The following DOCK5 variants were observed in gnomAD, a reference collection of about 807,000 sequenced individuals.
DOCK5 encodes dedicator of cytokinesis 5.
In DOCK5, 142 loss-of-function variants were observed where a neutral mutation model predicts 251.8. That is an observed-to-expected ratio of 0.56 (90% CI 0.49 to 0.65). The LOEUF is 0.65. Among genes scored for constraint, DOCK5 ranks in the 30% least tolerant of loss-of-function variants. DOCK5 has a pLI of 0.00. For missense variants in DOCK5, 2,111 were observed against 2,312.3 expected (o/e 0.91, Z 1.79); for synonymous variants, 842 against 835.5 (o/e 1.01, Z -0.13).
At position 25,278,658 on chromosome 8, in the gene DOCK5, T is replaced by C. The variant is rs1334828690; in HGVS notation, c.314T>C (p.Leu105Pro). ...GAATGGGCTGTCATCTGGCGAAAGC[T>C]CTACGTGGTGAGTTTCCCCTTGTGG... is the stretch of plus-strand genomic sequence containing the variant. ...LREWAVIWRK[L>P]YVNNKLTLFR... The change falls in exon 5 of 52, where the codon CTC becomes CCC. Residue 105 changes from leucine to proline, a missense_variant. Leu to Pro is a moderately conservative substitution (Grantham distance 98). Transcript: ENST00000276440. 1.2e-6 allele frequency: 2 copies of C among 1,613,720 alleles called. No individual in the cohort carries two copies. Among genetic ancestry groups the C allele is most frequent in the Admixed American group, 1.7e-5 (1 of 60,000 alleles).
At chr8:25,260,896 A>G (rs925330687) in intron 2 of DOCK5, among the ~76,000 whole-genome samples, 4 of 152,072 alleles carry the variant, frequency 2.6e-5, no homozygotes, top group Middle Eastern at 3.4e-3. Flanking sequence ...TCTGGGCTCA[A>G]GAGATCCTCT....
intron 27 of DOCK5, among the ~76,000 whole-genome samples, chr8:25,358,692 T>A (rs1800621648): frequency 6.6e-6 from 1 of 152,222 alleles, no homozygotes; most frequent in African/African-American, 2.4e-5. Context: ...ACATCTTCAC[T>A]GGTAATCTCA....
chr8:25,351,657 C>T (rs1800470581), intron 26 of DOCK5, 74 bp from the exon 27 acceptor site: 1 of 1,172,506 alleles, frequency 8.5e-7, no homozygotes, highest in Non-Finnish European at 1.2e-6. Flanking sequence ...AGACAAAACT[C>T]ATCTATCTGA....
intron 23 of DOCK5, 133 bp downstream of exon 23, chr8:25,341,121 G>T: frequency 3.4e-6 from 2 of 591,500 alleles, no homozygotes; most frequent in South Asian, 2.9e-5. Flanking sequence ...ATTTTAGTAT[G>T]ATTTACAGAA....
intron 1 of DOCK5, among the ~76,000 whole-genome samples, chr8:25,231,446 A>G (rs1373424502): frequency 1.3e-5 from 2 of 152,202 alleles, no homozygotes; most frequent in African/African-American, 4.8e-5. Context: ...GAAGAAATGC[A>G]CTTTTTATCA....
chr8:25,325,592 C>A, intron 18 of DOCK5, 45 bp downstream of exon 18: 1 of 1,596,404 alleles, frequency 6.3e-7, no homozygotes, highest in African/African-American at 1.3e-5. Context: ...TCTTGCTCAG[C>A]CTTTCTGGGC....
At chr8:25,323,774 T>C (rs1442030341) in intron 16 of DOCK5, 74 bp from the exon 17 acceptor site, 3 of 1,519,436 alleles carry the variant, frequency 2.0e-6, no homozygotes, top group Admixed American at 1.9e-5. Flanking sequence ...CCGAGCAAAA[T>C]GTGAAATCGT....
chr8:25,304,039 G>A (rs1288031147), intron 10 of DOCK5, among the ~76,000 whole-genome samples: 1 of 152,182 alleles, frequency 6.6e-6, no homozygotes, highest in Admixed American at 6.5e-5. Context: ...AATTGATCCA[G>A]TAAAACCCAG....
intron 2 of DOCK5, among the ~76,000 whole-genome samples, chr8:25,255,222 G>A (rs1456928164): frequency 6.6e-6 from 1 of 152,162 alleles, no homozygotes; most frequent in Non-Finnish European, 1.5e-5. Flanking sequence ...CAAAGGAGTT[G>A]AAAACTTACA....
intron 2 of DOCK5, among the ~76,000 whole-genome samples, chr8:25,265,170 A>G (rs1389204453): frequency 6.6e-6 from 1 of 151,864 alleles, no homozygotes; most frequent in African/African-American, 2.4e-5. Flanking sequence ...TCACCAGGGG[A>G]CCTTTTAGAA....
intron 1 of DOCK5, among the ~76,000 whole-genome samples, chr8:25,217,981 A>C (rs1356658107): frequency 6.6e-6 from 1 of 152,240 alleles, no homozygotes; most frequent in Non-Finnish European, 1.5e-5. Flanking sequence ...AATTTAAATA[A>C]TTTGATTTCA....
chr8:25,220,783 T>C (rs1434888337), intron 1 of DOCK5, among the ~76,000 whole-genome samples: 2 of 152,182 alleles, frequency 1.3e-5, no homozygotes, highest in Non-Finnish European at 2.9e-5. Context: ...TTTTGTATTT[T>C]TGTAGAGTTG....
chr8:25,370,903 T>C (rs557147709), intron 34 of DOCK5, among the ~76,000 whole-genome samples: 9 of 152,168 alleles, frequency 5.9e-5, no homozygotes, highest in Admixed American at 5.2e-4. Context: ...CTCGGCTTCC[T>C]AATGGGCTGG....
rs557799994 is a variant in DOCK5 at position 25,413,155 on chromosome 8, C to T, written c.*1857C>T. ...AGAATGGGGATAATGCCTCCTGCATCGGTTGTTGTGAGGTTTCAATGAGAT... is the reference window on the plus strand; with the variant it reads ...AGAATGGGGATAATGCCTCCTGCATTGGTTGTTGTGAGGTTTCAATGAGAT... On this transcript the variant is annotated 3_prime_UTR_variant, in exon 52 of 52. Transcript: ENST00000276440. 2.8e-4 allele frequency: 42 copies of T among 152,136 alleles called. No homozygotes were observed. 9.4% of individuals were successfully genotyped at this position (152,136 alleles called of 1,614,324 possible).
chr8:25,397,297 C>T (rs1462831495), intron 45 of DOCK5, among the ~76,000 whole-genome samples: 3 of 152,126 alleles, frequency 2.0e-5, no homozygotes, highest in Non-Finnish European at 2.9e-5. Context: ...GGGAGACATC[C>T]TGTGTAGAAG....
chr8:25,371,244 G>A (rs1484087165), intron 34 of DOCK5, among the ~76,000 whole-genome samples: 2 of 152,118 alleles, frequency 1.3e-5, no homozygotes, highest in African/African-American at 4.8e-5. Flanking sequence ...TAGAGATGGG[G>A]TTTCACGATG....
At chr8:25,337,167 G>GA (rs1386516154) in intron 22 of DOCK5, among the ~76,000 whole-genome samples, 4 of 151,952 alleles carry the variant, frequency 2.6e-5, no homozygotes, top group African/African-American at 9.7e-5. Flanking sequence ...ATTTACAAAA[G>GA]AAAAACTTAA....
chr8:25,358,828 C>A (rs1410603029), intron 27 of DOCK5, 135 bp from the exon 28 acceptor site: 2 of 723,182 alleles, frequency 2.8e-6, no homozygotes, highest in Admixed American at 2.2e-5. Flanking sequence ...CTTTAGAATG[C>A]AGCGTGTTTC....
chr8:25,364,726 C>A, intron 30 of DOCK5, 22 bp downstream of exon 30: 1 of 1,545,592 alleles, frequency 6.5e-7, no homozygotes, highest in Non-Finnish European at 8.8e-7. Context: ...ACTCACCTAC[C>A]TGCTTCTAGA....
Sources: allele counts gnomAD v4.1 joint callset (sites outside exome capture counted in the v4.1 genomes callset), GRCh38; gene constraint gnomAD v4.1.1; transcripts MANE v1.5; gene names NCBI Gene and HGNC (gene_info 2026-07-23, HGNC 2026-07-21).